PDPR: variants seen among roughly 807,000 people sequenced by gnomAD.
PDPR encodes the protein pyruvate dehydrogenase phosphatase regulatory subunit, mitochondrial.
PDPR carries 50 observed loss-of-function variants against 102.2 expected under a neutral mutation model. The ratio of observed to expected loss-of-function variants is 0.49; its 90% CI spans 0.39 to 0.62. The LOEUF is 0.62. Among genes scored for constraint, PDPR ranks in the 20% least tolerant of loss-of-function variants. The pLI is 0.00. For synonymous variants in PDPR, 259 were observed against 406.0 expected (o/e 0.64, Z 4.35); for missense variants, 625 against 1,098.2 (o/e 0.57, Z 6.09).
At chr16:70,142,971 G>A (rs2432283) in intron 13 of PDPR, among the ~76,000 whole-genome samples, 48 of 152,278 alleles carry the variant, frequency 3.2e-4, no homozygotes, top group African/African-American at 9.1e-4. Context: ...CGAGACGGGT[G>A]GATCACCTGA....
chr16:70,161,849 G>GT lies in PDPR; in HGVS notation c.*4975dup, dbSNP rs1259711684. ...ATTTTTCTCATTCTTAGATGCACCT[G>GT]TTTTTATCCTTTGCAGACCATCTTC... On this transcript the variant is annotated 3_prime_UTR_variant, in exon 19 of 19. Coordinates refer to ENST00000288050, the MANE Select transcript of PDPR (RefSeq NM_017990.5). 6.6e-6 allele frequency: 1 copy of GT among 152,422 alleles called. No homozygotes were observed. The highest frequency in any genetic ancestry group is 2.4e-5 in the African/African-American group (1 of 41,480). 9.4% of individuals were successfully genotyped at this position (152,422 alleles called of 1,614,324 possible).
rs1238831756 is a variant in PDPR at position 70,158,832 on chromosome 16, A to C, written c.*1953A>C. On this transcript the variant is annotated 3_prime_UTR_variant, in exon 19 of 19. Coordinates refer to ENST00000288050, the MANE Select transcript of PDPR (RefSeq NM_017990.5). ...CCGAAGATGGAGACAGGTGACTGAG[A>C]GCTGCAGGCCTCCTCTGCTCTTCCA... 6.5e-6 allele frequency: 1 copy of C among 152,688 alleles called. No homozygotes were observed. The highest frequency in any genetic ancestry group is 1.5e-5 in the Non-Finnish European group (1 of 68,318). 9.5% of individuals were successfully genotyped at this position (152,688 alleles called of 1,614,324 possible).
In PDPR at chr16:70,114,455, T is replaced by A. The variant is rs1356167050; in HGVS notation, c.-143+15T>A. On this transcript the variant is annotated intron_variant, in intron 1 of 18. Coordinates refer to ENST00000288050, the MANE Select transcript of PDPR (RefSeq NM_017990.5). ...GGACCGGTGAGGTAAGGAGATAGCT[T>A]CGGGGCAACTCTGGCCTCCCCGTCC... 3 of 152,144 alleles carry A rather than the reference T, an allele frequency of 2.0e-5. No homozygotes were observed. The highest frequency in any genetic ancestry group is 4.4e-5 in the Non-Finnish European group (3 of 68,020). 9.4% of individuals were successfully genotyped at this position (152,144 alleles called of 1,614,324 possible).
At chr16:70,117,744 G>A (rs1245478322) in intron 2 of PDPR, among the ~76,000 whole-genome samples, 1 of 152,154 alleles carries the variant, frequency 6.6e-6, no homozygotes, top group East Asian at 1.9e-4. Flanking sequence ...GAACCAGAGT[G>A]TGAAGGATCT....
chr16:70,120,628 G>T lies in PDPR; in HGVS notation c.136G>T (p.Val46Phe). 1 of 1,613,572 alleles carries T rather than the reference G, an allele frequency of 6.2e-7. No individual in the cohort carries two copies. Among genetic ancestry groups the T allele is most frequent in the South Asian group, 1.1e-5 (1 of 91,084 alleles). ...GGCCCTGCCCACCCAGGCACAGGTGGTCATCTGTGGAGGTGGAATCACGGG... is the reference window on the plus strand; with the variant it reads ...GGCCCTGCCCACCCAGGCACAGGTGTTCATCTGTGGAGGTGGAATCACGGG... ...SMALPTQAQVVICGGGITGTS... is the reference protein window; with the variant it reads ...SMALPTQAQVFICGGGITGTS... Residue 46 changes from valine (V) to phenylalanine (F), a missense_variant, in exon 3 of 19, where the codon GTC (valine) becomes TTC (phenylalanine). Val to Phe is a conservative substitution (Grantham distance 50). Around this residue, in one of 11 missense-constraint regions of PDPR, gnomAD observed 84 missense variants for 87.7 expected, o/e 0.96. Coordinates refer to ENST00000288050, the MANE Select transcript of PDPR (RefSeq NM_017990.5).
At position 70,156,869 on chromosome 16, in the gene PDPR, A is replaced by G. The variant is rs746360533; in HGVS notation, c.2630A>G (p.His877Arg). ...RKDDMELSDLHGK is the reference protein window; with the variant it reads ...RKDDMELSDLRGK ...GATGACATGGAGCTGAGTGACTTAC[A>G]TGGGAAGTGATGCCACCAGGGCAGC... The change falls in exon 19 of 19, where the codon CAT (histidine) becomes CGT (arginine). Residue 877 changes from histidine to arginine, a missense_variant. This residue lies in a region of PDPR where 303 missense variants were observed against 258.9 expected (regional missense o/e 1.17). Transcript: ENST00000288050. 1.1e-5 allele frequency: 17 copies of G among 1,613,314 alleles called. No individual in the cohort carries two copies. Among genetic ancestry groups the G allele is most frequent in the South Asian group, 5.5e-5 (5 of 90,980 alleles).
At chr16:70,149,918 G>C (rs1275817352) in intron 17 of PDPR, among the ~76,000 whole-genome samples, 2 of 152,130 alleles carry the variant, frequency 1.3e-5, no homozygotes, top group Admixed American at 1.3e-4. Context: ...AGCCTCCTGA[G>C]TAGCTGGGAC....
chr16:70,113,861 G>A (rs1472393041), upstream of PDPR: 2 of 149,712 alleles, frequency 1.3e-5, no homozygotes, highest in East Asian at 3.9e-4. Flanking sequence ...AGAAAGCCCA[G>A]AGCCACTTCC....
At chr16:70,117,662 T>C (rs943051645) in intron 2 of PDPR, among the ~76,000 whole-genome samples, 12 of 152,136 alleles carry the variant, frequency 7.9e-5, no homozygotes, top group Non-Finnish European at 4.4e-5. Context: ...ACCTGATATG[T>C]TTGACGAATT....
At chr16:70,132,904 G>A (rs771089498) in intron 9 of PDPR, among the ~76,000 whole-genome samples, 21 of 152,286 alleles carry the variant, frequency 1.4e-4, no homozygotes, top group South Asian at 1.2e-3. Flanking sequence ...CCTCAAATTC[G>A]TGAGCTCAAG....
chr16:70,128,646 T>C, intron 4 of PDPR, 138 bp from the exon 5 acceptor site: 1 of 1,508,210 alleles, frequency 6.6e-7, no homozygotes, highest in South Asian at 1.3e-5. Context: ...TCAGAGAAGC[T>C]GATTTACCTG....
In PDPR at chr16:70,130,555, AC is replaced by A; in HGVS notation, c.729+13del. The A allele has an allele frequency of 6.2e-7, 1 of 1,613,856 alleles. No individual in the cohort carries two copies. The highest frequency in any genetic ancestry group is 2.2e-5 in the East Asian group (1 of 44,878). ...AACTGTGCTGGCCAGGTAGGTCAGC[AC>A]CAACACTGCTGTTCTTATTTAACGT... is the stretch of plus-strand genomic sequence containing the variant. On this transcript the variant is annotated intron_variant, in intron 7 of 18. Transcript: ENST00000288050.
At chr16:70,143,189 A>AG (rs1183476863) in intron 13 of PDPR, among the ~76,000 whole-genome samples, 4 of 151,554 alleles carry the variant, frequency 2.6e-5, no homozygotes, top group Non-Finnish European at 5.9e-5. Context: ...CTCCATCTCA[A>AG]AAAAAAAAAC....
At chr16:70,114,250 T>G (rs1037707011), upstream of PDPR, 10 of 151,576 alleles carry the variant, frequency 6.6e-5, no homozygotes, top group South Asian at 2.1e-4. Flanking sequence ...GGCAGTACCC[T>G]TGCCCGGGGG....
downstream of PDPR, among the ~76,000 whole-genome samples, chr16:70,162,761 T>G (rs6499303): frequency 1.3e-5 from 2 of 151,930 alleles, no homozygotes; most frequent in African/African-American, 4.8e-5. Flanking sequence ...CCGACCGGCC[T>G]TCTGCCTACA....
At chr16:70,134,573 G>T (rs570731440) in intron 9 of PDPR, among the ~76,000 whole-genome samples, 1 of 150,356 alleles carries the variant, frequency 6.7e-6, no homozygotes, top group African/African-American at 2.4e-5. Flanking sequence ...CGGGCAGATC[G>T]CCTGAGGTCA....
At chr16:70,134,339 C>A (rs1387842798) in intron 9 of PDPR, among the ~76,000 whole-genome samples, 3 of 152,082 alleles carry the variant, frequency 2.0e-5, no homozygotes, top group Non-Finnish European at 2.9e-5. Context: ...AATTCTCCTG[C>A]CTCAGCCTCC....
At chr16:70,138,037 T>C (rs1423668937) in intron 10 of PDPR, among the ~76,000 whole-genome samples, 2 of 121,196 alleles carry the variant, frequency 1.7e-5, no homozygotes, top group Admixed American at 9.5e-5. Context: ...CATACCCAGC[T>C]CTTTTTTTTT....
chr16:70,133,033 G>C (rs933174508), intron 9 of PDPR, among the ~76,000 whole-genome samples: 1 of 151,300 alleles, frequency 6.6e-6, no homozygotes, highest in East Asian at 2.0e-4. Flanking sequence ...GGCTGGTCTC[G>C]AACTCTTGGG....
Sources: gnomAD v4.1 joint callset for allele counts (sites outside exome capture counted in the v4.1 genomes callset) on GRCh38, gnomAD v4.1.1 for gene constraint, gnomAD v4.1.1 regional missense constraint, MANE v1.5 for transcripts, NCBI Gene and HGNC (gene_info 2026-07-23, HGNC 2026-07-21) for gene names.